The following DNAH5 variants were observed in gnomAD, a reference collection of about 807,000 sequenced individuals.
DNAH5 encodes the protein dynein axonemal heavy chain 5.
A neutral mutation model predicts 518.2 loss-of-function variants in DNAH5; 372 were observed. That is an observed-to-expected ratio of 0.72 (90% CI 0.66 to 0.78). The LOEUF is 0.78. Among genes scored for constraint, DNAH5 ranks in the 30% least tolerant of loss-of-function variants. The probability of loss-of-function intolerance (pLI) is 0.00; values close to 1 mark genes in which losing one functional copy is unlikely to be tolerated. For missense variants in DNAH5, 5,523 were observed against 5,687.0 expected (o/e 0.97, Z 0.93); for synonymous variants, 2,039 against 2,025.9 (o/e 1.01, Z -0.17).
At chr5:13,955,800 T>C (rs1267530798) in intron 1 of DNAH5, among the ~76,000 whole-genome samples, 1 of 152,156 alleles carries the variant, frequency 6.6e-6, no homozygotes, top group Admixed American at 6.5e-5. Context: ...TAGTAAACAA[T>C]CTAATTAGAG....
chr5:13,936,506 C>T (rs745493113), intron 1 of DNAH5, among the ~76,000 whole-genome samples: 5 of 152,114 alleles, frequency 3.3e-5, no homozygotes, highest in Non-Finnish European at 5.9e-5. Context: ...CATACATGAT[C>T]AGTCTTTCAT....
chr5:13,831,213 G>A (rs982835390), intron 35 of DNAH5, among the ~76,000 whole-genome samples: 2 of 152,180 alleles, frequency 1.3e-5, no homozygotes, highest in Admixed American at 6.5e-5. Context: ...GAATCTAAGA[G>A]TTGGCCATTT....
rs1226480889 is a variant in DNAH5 at position 13,901,300 on chromosome 5, C to T, written c.2004G>A (p.Lys668=). The change falls in exon 14 of 79, where the codon AAG becomes AAA. Residue 668 remains lysine, a synonymous_variant. Coordinates refer to ENST00000265104, the MANE Select transcript of DNAH5 (RefSeq NM_001369.3). Reference sequence around the variant, plus strand: ...AGAGGACCTCAAACTCCAGGAGGACCTTGGCCATCCTGTTGTAACTGCGAA... The same window carrying T: ...AGAGGACCTCAAACTCCAGGAGGACTTTGGCCATCCTGTTGTAACTGCGAA... The part of the protein sequence containing the change: ...PIIRSYNRMA[K]VLLEFEVLFH... The T allele has an allele frequency of 1.2e-6, 2 of 1,614,138 alleles. No homozygotes were observed. Among genetic ancestry groups the T allele is most frequent in the Non-Finnish European group, 1.7e-6 (2 of 1,180,016 alleles).
rs77972261 is a variant in DNAH5 at position 13,914,388 on chromosome 5, A to G, written c.1320+132T>C. The G allele has an allele frequency of 2.4e-3, 2,769 of 1,155,122 alleles. 44 individuals carry two copies. The African/African-American group carries it at 0.039, about 16-fold the overall frequency. The allele number at this position is 1,155,122 out of a possible 1,614,324, so 71.6% of individuals were successfully genotyped here. A position where few individuals can be genotyped will look rare whatever the true frequency, so the allele number is the denominator to read the frequency against. On this transcript the variant is annotated intron_variant, in intron 10 of 78. Transcript: ENST00000265104. ...TCCTGGGAAGGTATATTAACATTCCATTTTCTTCATAGTTAAGAATCACTG... is the reference window on the plus strand; with the variant it reads ...TCCTGGGAAGGTATATTAACATTCCGTTTTCTTCATAGTTAAGAATCACTG...
chr5:13,905,615 C>T (rs1266860012), intron 12 of DNAH5, among the ~76,000 whole-genome samples: 2 of 152,122 alleles, frequency 1.3e-5, no homozygotes, highest in African/African-American at 2.4e-5. Flanking sequence ...ATGCTGGAAA[C>T]ACCAAATGCT....
chr5:13,943,233 A>AT (rs1239261168), intron 1 of DNAH5, among the ~76,000 whole-genome samples: 3 of 152,334 alleles, frequency 2.0e-5, no homozygotes, highest in Non-Finnish European at 4.4e-5. Flanking sequence ...CCACAAGCAT[A>AT]TATTAAGGAC....
intron 1 of DNAH5, among the ~76,000 whole-genome samples, chr5:13,963,537 C>A (rs1160002156): frequency 6.6e-6 from 1 of 151,712 alleles, no homozygotes; most frequent in African/African-American, 2.4e-5. Context: ...CAAGATCACA[C>A]CATTGCACCC....
At chr5:13,911,938 T>A (rs1259468056) in intron 11 of DNAH5, among the ~76,000 whole-genome samples, 1 of 152,134 alleles carries the variant, frequency 6.6e-6, no homozygotes, top group African/African-American at 2.4e-5. Flanking sequence ...TGATGTTATA[T>A]CTACAGATGA....
At chr5:13,884,858 G>T in intron 19 of DNAH5, 131 bp downstream of exon 19, 5 of 1,379,192 alleles carry the variant, frequency 3.6e-6, no homozygotes, top group Non-Finnish European at 4.9e-6. Flanking sequence ...TTTAAAAAAA[G>T]ATGAATATTT....
intron 65 of DNAH5, among the ~76,000 whole-genome samples, chr5:13,743,920 A>C (rs1748971174): frequency 6.6e-6 from 1 of 151,998 alleles, no homozygotes; most frequent in Admixed American, 6.6e-5. Flanking sequence ...AAAAGTACAC[A>C]CATGGATACA....
intron 14 of DNAH5, chr5:13,900,641 A>C (rs1305596322): frequency 5.4e-6 from 3 of 559,646 alleles, no homozygotes; most frequent in Non-Finnish European, 9.5e-6. Context: ...CCTTTCAATG[A>C]CTCTAACACT....
intron 31 of DNAH5, among the ~76,000 whole-genome samples, chr5:13,847,738 G>A (rs1766214978): frequency 6.6e-6 from 1 of 150,814 alleles, no homozygotes; most frequent in African/African-American, 2.4e-5. Context: ...AAAAAAAAAG[G>A]AGAAAAAAAA....
intron 55 of DNAH5, 162 bp from the exon 56 acceptor site, chr5:13,771,142 A>G (rs1431486637): frequency 2.1e-5 from 13 of 616,628 alleles, no homozygotes; most frequent in Non-Finnish European, 3.7e-5. Context: ...CCAGGCCTAT[A>G]ACATCAACAA....
chr5:13,777,144 C>G, intron 54 of DNAH5, 58 bp downstream of exon 54: 1 of 1,529,052 alleles, frequency 6.5e-7, no homozygotes, highest in Non-Finnish European at 9.0e-7. Flanking sequence ...ACATGTAGAG[C>G]TCTAAGCTGG....
At chr5:13,730,130 T>C (rs951925756) in intron 68 of DNAH5, among the ~76,000 whole-genome samples, 10 of 151,748 alleles carry the variant, frequency 6.6e-5, no homozygotes, top group African/African-American at 2.4e-4. Context: ...GTGTCACTTA[T>C]GCCTGTGGTT....
At chr5:13,902,776 C>T (rs17210562) in intron 12 of DNAH5, among the ~76,000 whole-genome samples, 7,856 of 152,052 alleles carry the variant, frequency 0.052, 254 homozygotes, top group Middle Eastern at 0.088. Flanking sequence ...CAGGTTTAAA[C>T]TACACATGAA....
intron 27 of DNAH5, 145 bp downstream of exon 27, chr5:13,865,523 T>C: frequency 1.4e-6 from 1 of 712,698 alleles, no homozygotes. Context: ...AAATAGCATT[T>C]GACAAGAGTG....
At chr5:13,907,043 GA>G (rs2151971084) in intron 12 of DNAH5, among the ~76,000 whole-genome samples, 1 of 152,224 alleles carries the variant, frequency 6.6e-6, no homozygotes, top group South Asian at 2.1e-4. Flanking sequence ...TGCTCTTTGG[GA>G]AAAATAATAA....
chr5:13,742,290 A>C (rs1181033376), intron 65 of DNAH5, among the ~76,000 whole-genome samples: 1 of 152,018 alleles, frequency 6.6e-6, no homozygotes, highest in Non-Finnish European at 1.5e-5. Flanking sequence ...CTGCACAAAA[A>C]CTTTTACCTT....
Sources: gnomAD v4.1 joint callset for allele counts (sites outside exome capture counted in the v4.1 genomes callset) on GRCh38, gnomAD v4.1.1 for gene constraint, MANE v1.5 for transcripts, NCBI Gene and HGNC (gene_info 2026-07-23, HGNC 2026-07-21) for gene names.